Variants in NKAIN2 observed in about 807,000 individuals in gnomAD.
NKAIN2 encodes sodium/potassium-transporting ATPase subunit beta-1-interacting protein 2.
A neutral mutation model predicts 32.6 loss-of-function variants in NKAIN2; 14 were observed. That is an observed-to-expected ratio of 0.43 (90% confidence interval 0.28 to 0.67). The LOEUF (loss-of-function observed/expected upper bound fraction) is 0.67, where lower values mean the gene tolerates loss of function less well. Among genes scored for constraint, NKAIN2 ranks in the 30% least tolerant of loss-of-function variants. The pLI is 0.17. For missense variants in NKAIN2, 198 were observed against 258.3 expected (o/e 0.77, Z 1.60); for synonymous variants, 80 against 87.2 (o/e 0.92, Z 0.46).
At chr6:124,064,624 C>CT (rs535785842) in intron 1 of NKAIN2, among the ~76,000 whole-genome samples, 1 of 152,080 alleles carries the variant, frequency 6.6e-6, no homozygotes, top group East Asian at 1.9e-4. Flanking sequence ...GAAATCCACT[C>CT]TTTTCTCAAG....
chr6:124,450,818 A>C (rs1562193022), intron 3 of NKAIN2, among the ~76,000 whole-genome samples: 1 of 152,002 alleles, frequency 6.6e-6, no homozygotes, highest in Non-Finnish European at 1.5e-5. Flanking sequence ...CTACATTTCC[A>C]CTCAAGGAAT....
chr6:124,020,359 C>G (rs982034237), intron 1 of NKAIN2, among the ~76,000 whole-genome samples: 1 of 152,114 alleles, frequency 6.6e-6, no homozygotes, highest in South Asian at 2.1e-4. Context: ...GATCCATTCC[C>G]TTTGCCTCAT....
At chr6:123,885,518 T>C (rs1001528296) in intron 1 of NKAIN2, among the ~76,000 whole-genome samples, 1 of 152,160 alleles carries the variant, frequency 6.6e-6, no homozygotes, top group Admixed American at 6.5e-5. Flanking sequence ...TGGAAATAGT[T>C]CATATTTAGC....
chr6:123,816,988 G>T (rs1773720254), intron 1 of NKAIN2, among the ~76,000 whole-genome samples: 1 of 152,182 alleles, frequency 6.6e-6, no homozygotes, highest in African/African-American at 2.4e-5. Flanking sequence ...GAGGAACACA[G>T]TGAGGAGAGA....
chr6:123,954,523 G>A lies in NKAIN2; in HGVS notation c.54+150269G>A, dbSNP rs562333611. ...GTGTTAGGTGTTTTGTGTCACCTCT[G>A]CGTAGGATTCCAGTGTTTTCTCTTA... On this transcript the variant is annotated intron_variant, in intron 1 of 6. Transcript: ENST00000368417. Among the ~76,000 whole-genome samples the A allele has an allele frequency of 3.9e-5, 6 of 152,302 alleles. No homozygotes were observed. In the South Asian group the frequency reaches 1.2e-3, roughly 32 times the overall value.
At chr6:124,263,179 G>A (rs2180737) in intron 1 of NKAIN2, among the ~76,000 whole-genome samples, 65,878 of 151,888 alleles carry the variant, frequency 0.43, 16,727 homozygotes, top group African/African-American at 0.71. Context: ...ACTATATTTC[G>A]TACATTTGCA....
In NKAIN2 at chr6:124,817,355, C is replaced by T. The variant is rs529599483; in HGVS notation, c.536-1032C>T. ...AGGGAAGCCAAAAGACTGGACACCC[C>T]GATTGAAAGGTATTTTATTTCCCAC... is the stretch of plus-strand genomic sequence containing the variant. On this transcript the variant is annotated intron_variant, in intron 5 of 6. Transcript: ENST00000368417. Among the ~76,000 whole-genome samples the T allele has an allele frequency of 1.3e-4, 20 of 152,070 alleles. No individual in the cohort carries two copies. The East Asian group carries it at 2.5e-3, about 19-fold the overall frequency.
chr6:124,260,416 C>G (rs1038018503), intron 1 of NKAIN2, among the ~76,000 whole-genome samples: 2 of 152,148 alleles, frequency 1.3e-5, no homozygotes, highest in Admixed American at 6.6e-5. Context: ...ACCAGGATAA[C>G]TTTTGAGTAA....
intron 4 of NKAIN2, among the ~76,000 whole-genome samples, chr6:124,681,876 T>G (rs1229958697): frequency 6.6e-6 from 1 of 151,916 alleles, no homozygotes; most frequent in Non-Finnish European, 1.5e-5. Flanking sequence ...ATTTAAGAGA[T>G]CATTTAAATG....
At chr6:124,559,752 C>G (rs984852187) in intron 3 of NKAIN2, among the ~76,000 whole-genome samples, 3 of 149,656 alleles carry the variant, frequency 2.0e-5, no homozygotes, top group African/African-American at 7.4e-5. Flanking sequence ...ATCCTGGGTT[C>G]TGGTCTGAGG....
At chr6:124,662,431 T>A (rs761161840) in intron 4 of NKAIN2, among the ~76,000 whole-genome samples, 1 of 152,176 alleles carries the variant, frequency 6.6e-6, no homozygotes, top group African/African-American at 2.4e-5. Context: ...GGTACCTGGT[T>A]CATAGCTAAA....
intron 3 of NKAIN2, among the ~76,000 whole-genome samples, chr6:124,413,417 C>A (rs1774309212): frequency 6.6e-6 from 1 of 152,084 alleles, no homozygotes; most frequent in Admixed American, 6.5e-5. Flanking sequence ...TTTGATCTCA[C>A]TGATATATCT....
At chr6:123,992,058 A>G (rs2114691039) in intron 1 of NKAIN2, among the ~76,000 whole-genome samples, 1 of 152,266 alleles carries the variant, frequency 6.6e-6, no homozygotes, top group East Asian at 1.9e-4. Flanking sequence ...ACAACAAAGA[A>G]ACTAAATTTT....
At chr6:124,103,575 G>T (rs532584550) in intron 1 of NKAIN2, among the ~76,000 whole-genome samples, 10 of 152,236 alleles carry the variant, frequency 6.6e-5, no homozygotes, top group African/African-American at 2.4e-4. Flanking sequence ...TTCTAATAAT[G>T]CCTTCAAATG....
chr6:124,526,543 TC>T (rs1027187556), intron 3 of NKAIN2, among the ~76,000 whole-genome samples: 1 of 151,932 alleles, frequency 6.6e-6, no homozygotes, highest in Non-Finnish European at 1.5e-5. Flanking sequence ...TCAGAGACAA[TC>T]ATCCTGAAAA....
chr6:124,675,461 G>A (rs1458647581), intron 4 of NKAIN2, among the ~76,000 whole-genome samples: 4 of 152,068 alleles, frequency 2.6e-5, no homozygotes, highest in Non-Finnish European at 5.9e-5. Flanking sequence ...AGTTTGAGAG[G>A]CATTGGCATG....
chr6:124,594,471 A>C (rs373330823), intron 3 of NKAIN2, among the ~76,000 whole-genome samples: 15 of 152,342 alleles, frequency 9.8e-5, no homozygotes, highest in African/African-American at 3.6e-4. Flanking sequence ...TAATAAGTGA[A>C]GTTCAATTAG....
At chr6:123,979,368 G>T (rs1250752092) in intron 1 of NKAIN2, among the ~76,000 whole-genome samples, 1 of 152,090 alleles carries the variant, frequency 6.6e-6, no homozygotes, top group Non-Finnish European at 1.5e-5. Flanking sequence ...TGGGTATAAG[G>T]ATGTGCACAA....
chr6:124,249,402 TG>T (rs943744449), intron 1 of NKAIN2, among the ~76,000 whole-genome samples: 5 of 151,970 alleles, frequency 3.3e-5, no homozygotes, highest in African/African-American at 1.2e-4. Context: ...GGGAGAGCTA[TG>T]GGGGGTAGTC....
Sources: gnomAD v4.1 joint callset for allele counts (sites outside exome capture counted in the v4.1 genomes callset) on GRCh38, gnomAD v4.1.1 for gene constraint, MANE v1.5 for transcripts, NCBI Gene and HGNC (gene_info 2026-07-23, HGNC 2026-07-21) for gene names.